ZNF585B: variants seen among roughly 807,000 people sequenced by gnomAD.
The protein encoded by ZNF585B is zinc finger protein 41-like protein.
ZNF585B carries 7 observed loss-of-function variants against 14.0 expected under a neutral mutation model. The ratio of observed to expected loss-of-function variants is 0.50; its 90% CI spans 0.28 to 0.94. The LOEUF is 0.94. Among genes scored for constraint, ZNF585B ranks in the 40% least tolerant of loss-of-function variants. The pLI is 0.09. For missense variants in ZNF585B, 750 were observed against 924.4 expected (o/e 0.81, Z 2.45); for synonymous variants, 290 against 317.3 (o/e 0.91, Z 0.91).
chr19:37,193,119 T>C (rs1201970765), intron 2 of ZNF585B, among the ~76,000 whole-genome samples: 1 of 145,022 alleles, frequency 6.9e-6, no homozygotes, highest in Non-Finnish European at 1.5e-5. Context: ...TGGGCGACAG[T>C]GCAAGACTCC....
chr19:37,210,286 C>A (rs897971463), intron 1 of ZNF585B, among the ~76,000 whole-genome samples, 155 bp downstream of exon 1: 2 of 152,012 alleles, frequency 1.3e-5, no homozygotes, highest in African/African-American at 4.8e-5. Flanking sequence ...ATCACTCATC[C>A]CAAAGAGCCC....
chr19:37,189,624 C>A lies in ZNF585B; in HGVS notation c.292+37G>T, dbSNP rs1183549864. The A allele has an allele frequency of 3.1e-6, 5 of 1,609,228 alleles. No individual in the cohort carries two copies. In the South Asian group the frequency reaches 4.4e-5, roughly 14 times the overall value. On this transcript the variant is annotated intron_variant, in intron 4 of 4. Transcript: ENST00000532828. Reference sequence around the variant, plus strand: ...ACAGCTGAGATTTCCTCCTGTCTCCCATCTAACCTGAGTCACATTCACCTC... The same window carrying A: ...ACAGCTGAGATTTCCTCCTGTCTCCAATCTAACCTGAGTCACATTCACCTC...
At chr19:37,199,254 G>A in intron 2 of ZNF585B, 1 of 388,456 alleles carries the variant, frequency 2.6e-6, no homozygotes, top group Non-Finnish European at 4.9e-6. Context: ...CAGGCTGGGT[G>A]CAGTGGCCCA....
At chr19:37,189,575 T>A (rs1371350817) in intron 4 of ZNF585B, 86 bp downstream of exon 4, 2 of 1,502,406 alleles carry the variant, frequency 1.3e-6, no homozygotes, top group African/African-American at 2.8e-5. Context: ...TAATAGCACT[T>A]CACAGGTTCC....
chr19:37,208,693 C>T (rs77574422), intron 1 of ZNF585B, among the ~76,000 whole-genome samples: 3,925 of 151,680 alleles, frequency 0.026, 190 homozygotes, highest in African/African-American at 0.089. Flanking sequence ...AAAAGAAAAA[C>T]GCGTCAGAAC....
intron 2 of ZNF585B, among the ~76,000 whole-genome samples, chr19:37,190,815 C>T (rs553248653): frequency 1.6e-4 from 25 of 152,242 alleles, no homozygotes; most frequent in African/African-American, 3.4e-4. Context: ...CTTCCCGCCT[C>T]GGCTTCCCAA....
At position 37,181,758 on chromosome 19, in the gene ZNF585B, T is replaced by C. The variant is rs1972269258; in HGVS notation, c.*3469A>G. 6.7e-6 allele frequency: 1 copy of C among 150,076 alleles called. No individual in the cohort carries two copies. Among genetic ancestry groups the C allele is most frequent in the Non-Finnish European group, 1.5e-5 (1 of 67,772 alleles). The allele number at this position is 150,076 out of a possible 1,614,324, so 9.3% of individuals were successfully genotyped here. On this transcript the variant is annotated 3_prime_UTR_variant, in exon 5 of 5. Transcript: ENST00000532828. ...GACATGGAAGAAACTTAAATCCACA[T>C]TACTAAGTGAAACAAATCAATCTGA...
In ZNF585B at chr19:37,201,328, T is replaced by C. The variant is rs149627395; in HGVS notation, c.72+5712A>G. Among the ~76,000 whole-genome samples, 189 of 152,082 alleles carry C rather than the reference T, an allele frequency of 1.2e-3. No individual in the cohort carries two copies. In the East Asian group the frequency reaches 0.017, roughly 13 times the overall value. ...TGTCACTGCACCAAATTACATAGCA[T>C]CAAAATTTATAAACTATAGGAAACT... On this transcript the variant is annotated intron_variant, in intron 2 of 4. Transcript: ENST00000532828.
intron 2 of ZNF585B, among the ~76,000 whole-genome samples, chr19:37,206,144 G>A (rs1972584538): frequency 6.7e-6 from 1 of 150,294 alleles, no homozygotes; most frequent in South Asian, 2.1e-4. Flanking sequence ...AGAACGGGAT[G>A]GCAATAAAAA....
chr19:37,202,202 C>T (rs1389047406), intron 2 of ZNF585B, among the ~76,000 whole-genome samples: 1 of 152,124 alleles, frequency 6.6e-6, no homozygotes, highest in Non-Finnish European at 1.5e-5. Context: ...AGGGTTTCAT[C>T]ACGTTAGCCA....
Position 37,186,321 on chromosome 19 carries a change from C to T in ZNF585B, c.1216G>A (p.Gly406Arg), listed in dbSNP as rs780091673. 1.9e-6 allele frequency: 3 copies of T among 1,613,998 alleles called. No individual in the cohort carries two copies. The South Asian group carries it at 3.3e-5, about 18-fold the overall frequency. The change falls in exon 5 of 5, where the codon GGA (glycine) becomes AGA (arginine). Residue 406 changes from glycine (G) to arginine (R), a missense_variant. This residue lies in a region of ZNF585B where 517 missense variants were observed against 570.3 expected (regional missense o/e 0.91). Transcript: ENST00000532828. ...ALTVHQRIHTGEKSYICMKCG... is the reference protein window; with the variant it reads ...ALTVHQRIHTREKSYICMKCG... The stretch of plus-strand genomic sequence containing the variant: ...TTCATGCATATATACGATTTTTCTC[C>T]TGTATGAATTCTCTGATGCACTGTG...
At chr19:37,194,894 AC>A in intron 2 of ZNF585B, among the ~76,000 whole-genome samples, 1 of 152,246 alleles carries the variant, frequency 6.6e-6, no homozygotes, top group Non-Finnish European at 1.5e-5. Context: ...AGGAAATCAA[AC>A]AAAAAATCAA....
intron 2 of ZNF585B, chr19:37,195,881 C>G (rs1393906642): frequency 6.6e-6 from 1 of 152,178 alleles, no homozygotes; most frequent in East Asian, 1.9e-4. Context: ...ACAAAATTAC[C>G]TGGGCGTGGT....
At chr19:37,207,334 C>T (rs1039374199) in intron 1 of ZNF585B, 80 bp from the exon 2 acceptor site, 36 of 1,102,802 alleles carry the variant, frequency 3.3e-5, no homozygotes, top group Middle Eastern at 3.1e-4. Flanking sequence ...CAGGTCCCTG[C>T]GCTAGAAACC....
intron 2 of ZNF585B, among the ~76,000 whole-genome samples, chr19:37,191,921 T>C (rs999178383): frequency 2.0e-5 from 3 of 152,050 alleles, no homozygotes; most frequent in Non-Finnish European, 4.4e-5. Flanking sequence ...TCCCAGCTAC[T>C]CAGGAGGCTT....
At chr19:37,193,551 G>A (rs1479274904) in intron 2 of ZNF585B, among the ~76,000 whole-genome samples, 2 of 151,892 alleles carry the variant, frequency 1.3e-5, no homozygotes, top group Non-Finnish European at 2.9e-5. Context: ...GCCGAAGTGG[G>A]TGGATTGCTT....
chr19:37,184,436 G>GAA lies in ZNF585B; in HGVS notation c.*789_*790dup, dbSNP rs1458066773. 2.4e-4 allele frequency: 15 copies of GAA among 62,268 alleles called. 1 individual carries two copies. Among genetic ancestry groups the GAA allele is most frequent in the East Asian group, 1.4e-3 (3 of 2,182 alleles). 3.9% of individuals were successfully genotyped at this position (62,268 alleles called of 1,614,324 possible). ...AGAAAGAGAAAGAAAGAAAAAGAAA[G>GAA]AAAGAAGGAAAGAAAGAAAGAAAGA... On this transcript the variant is annotated 3_prime_UTR_variant, in exon 5 of 5. Transcript: ENST00000532828.
At chr19:37,203,341 A>T (rs908042763) in intron 2 of ZNF585B, among the ~76,000 whole-genome samples, 17 of 152,046 alleles carry the variant, frequency 1.1e-4, no homozygotes, top group Admixed American at 9.8e-4. Flanking sequence ...TTAGCAGGGC[A>T]CAGTGGCAGG....
intron 2 of ZNF585B, among the ~76,000 whole-genome samples, chr19:37,202,191 C>T (rs1322495103): frequency 6.6e-6 from 1 of 152,002 alleles, no homozygotes; most frequent in Non-Finnish European, 1.5e-5. Context: ...TTAATAGAGA[C>T]AGGGTTTCAT....
Sources: gnomAD v4.1 joint callset for allele counts (sites outside exome capture counted in the v4.1 genomes callset) on GRCh38, gnomAD v4.1.1 for gene constraint, gnomAD v4.1.1 regional missense constraint, MANE v1.5 for transcripts, NCBI Gene and HGNC (gene_info 2026-07-23, HGNC 2026-07-21) for gene names.